ZFYVE26: variants seen among roughly 807,000 people sequenced by gnomAD.
ZFYVE26 encodes the protein zinc finger FYVE domain-containing protein 26.
A neutral mutation model predicts 276.5 loss-of-function variants in ZFYVE26; 181 were observed. The ratio of observed to expected loss-of-function variants is 0.65; its 90% CI spans 0.58 to 0.74. ZFYVE26 has a LOEUF of 0.74. Among genes scored for constraint, ZFYVE26 ranks in the 30% least tolerant of loss-of-function variants. The pLI, the probability that ZFYVE26 is intolerant of heterozygous loss-of-function variation, is 0.00. For missense variants in ZFYVE26, 2,821 were observed against 3,097.9 expected (o/e 0.91, Z 2.12); for synonymous variants, 1,129 against 1,203.1 (o/e 0.94, Z 1.27).
At chr14:67,805,425 A>C (rs2040159943) in intron 7 of ZFYVE26, 29 bp downstream of exon 7, 1 of 1,614,018 alleles carries the variant, frequency 6.2e-7, no homozygotes, top group Non-Finnish European at 8.5e-7. Context: ...TCACTTCCAG[A>C]GCAGCCTGGG....
rs536641818 is a variant in ZFYVE26 at position 67,816,386 on chromosome 14, T to G, written c.-84+148A>C. ...AGAAATTCAGCAGGAACCTCCCTAG[T>G]TTGAGCCCTCTGTTAAGGCAGAGGA... On this transcript the variant is annotated intron_variant, in intron 1 of 41. Transcript: ENST00000347230. 45 of 166,348 alleles carry G rather than the reference T, an allele frequency of 2.7e-4. 1 individual carries two copies. The South Asian group carries it at 6.1e-3, about 22-fold the overall frequency. 10.3% of individuals were successfully genotyped at this position (166,348 alleles called of 1,614,324 possible).
chr14:67,794,135 C>T (rs376227097), intron 13 of ZFYVE26, 36 bp downstream of exon 13: 58 of 1,602,974 alleles, frequency 3.6e-5, no homozygotes, highest in Non-Finnish European at 4.8e-5. Context: ...CAGGGCAAAG[C>T]TGCTCAAAGT....
Position 67,748,512 on chromosome 14 carries a change from A to G in ZFYVE26, c.7544T>C (p.Val2515Ala). ...CCACTGGGCACAGATGTCTTGCACTACTGCATCCCCGCTGCTCTTGGCGGC... is the reference window on the plus strand; with the variant it reads ...CCACTGGGCACAGATGTCTTGCACTGCTGCATCCCCGCTGCTCTTGGCGGC... ...QQAAKSSGDA[V>A]VQDICAQWLL... The change falls in exon 42 of 42, where the codon GTA becomes GCA. Residue 2515 changes from valine to alanine, a missense_variant. Coordinates refer to ENST00000347230, the MANE Select transcript of ZFYVE26 (RefSeq NM_015346.4). The G allele has an allele frequency of 6.2e-7, 1 of 1,613,924 alleles. No individual in the cohort carries two copies. Among genetic ancestry groups the G allele is most frequent in the East Asian group, 2.2e-5 (1 of 44,880 alleles).
intron 8 of ZFYVE26, 60 bp from the exon 9 acceptor site, chr14:67,804,324 A>G (rs1415469283): frequency 2.5e-6 from 4 of 1,573,348 alleles, no homozygotes; most frequent in Admixed American, 1.7e-5. Context: ...TCGAAGAAAG[A>G]TCAATCTCCA....
chr14:67,769,773 A>G (rs1272522049), intron 28 of ZFYVE26, 43 bp from the exon 29 acceptor site: 1 of 1,613,232 alleles, frequency 6.2e-7, no homozygotes, highest in African/African-American at 1.3e-5. Context: ...GGAGGAGAGA[A>G]GGGGAGATTG....
At position 67,789,502 on chromosome 14, in the gene ZFYVE26, G is replaced by A. The variant is rs35471427; in HGVS notation, c.2852C>T (p.Thr951Met). The part of the protein sequence containing the change: ...PMLQEDFWIS[T>M]ALVEPTAPLR... ...GGGAGCAGTGGGCTCCACTAGAGCC[G>A]TGCTTATCCAAAAGTCCTCCTGGAG... The change falls in exon 16 of 42, where the codon ACG becomes ATG. Residue 951 changes from threonine to methionine, a missense_variant. Transcript: ENST00000347230. 6,321 of 1,614,142 alleles carry A rather than the reference G, an allele frequency of 3.9e-3. 223 individuals carry two copies. In the African/African-American group the frequency reaches 0.073, roughly 19 times the overall value.
intron 11 of ZFYVE26, 80 bp from the exon 12 acceptor site, chr14:67,797,835 A>G: frequency 6.3e-7 from 1 of 1,591,926 alleles, no homozygotes; most frequent in Non-Finnish European, 8.6e-7. Context: ...CAGGTTGGGG[A>G]AGGTTTGCAC....
intron 3 of ZFYVE26, among the ~76,000 whole-genome samples, 189 bp downstream of exon 3, chr14:67,813,797 A>G (rs185057642): frequency 1.3e-5 from 2 of 152,344 alleles, no homozygotes; most frequent in African/African-American, 4.8e-5. Flanking sequence ...ATATATGCCA[A>G]TGTATATTAG....
intron 35 of ZFYVE26, 165 bp from the exon 36 acceptor site, chr14:67,756,310 G>A (rs988787246): frequency 3.8e-5 from 29 of 773,140 alleles, no homozygotes; most frequent in Non-Finnish European, 8.8e-6. Context: ...TCATTCTAGC[G>A]ACTGCTTCAC....
rs766966144 is a variant in ZFYVE26, at chr14:67,751,045, C to T, written c.7416+7G>A. On this transcript the variant is annotated splice_region_variant and intron_variant, in intron 41 of 41. Coordinates refer to ENST00000347230, the MANE Select transcript of ZFYVE26 (RefSeq NM_015346.4). ...CATCACCAGCGTTTGGAGACAATTCCGCTCACCTTGTTGTCATCATTGTGT... is the reference window on the plus strand; with the variant it reads ...CATCACCAGCGTTTGGAGACAATTCTGCTCACCTTGTTGTCATCATTGTGT... The T allele has an allele frequency of 2.5e-5, 41 of 1,614,056 alleles. No individual in the cohort carries two copies. The highest frequency in any genetic ancestry group is 2.0e-4 in the Admixed American group (12 of 60,008).
Position 67,777,712 on chromosome 14 carries a change from G to A in ZFYVE26, c.4821C>T (p.Pro1607=). The change falls in exon 25 of 42, where the codon CCC becomes CCT. Residue 1607 remains proline (P), a synonymous_variant. Coordinates refer to ENST00000347230, the MANE Select transcript of ZFYVE26 (RefSeq NM_015346.4). ...ALQLLRRIPD[P]TMCLEVTEQS... ...GCTCTGTCACTTCAAGGCACATGGT[G>A]GGGTCAGGGATTCTTCGCAGGAGCT... 5 of 1,614,184 alleles carry A rather than the reference G, an allele frequency of 3.1e-6. No homozygotes were observed. Among genetic ancestry groups the A allele is most frequent in the African/African-American group, 1.3e-5 (1 of 75,038 alleles).
chr14:67,810,493 T>C (rs944955503), intron 3 of ZFYVE26, among the ~76,000 whole-genome samples: 5 of 152,232 alleles, frequency 3.3e-5, no homozygotes, highest in African/African-American at 1.2e-4. Context: ...CACATATTTA[T>C]ATATTTTTTA....
chr14:67,755,036 T>G lies in ZFYVE26; in HGVS notation c.6986+15A>C, dbSNP rs2038742066. The G allele has an allele frequency of 6.2e-7, 1 of 1,613,480 alleles. No individual in the cohort carries two copies. The highest frequency in any genetic ancestry group is 8.5e-7 in the Non-Finnish European group (1 of 1,180,002). On this transcript the variant is annotated intron_variant, in intron 37 of 41. Transcript: ENST00000347230. ...TTTCTGCCCCACACCAATAGTCCCC[T>G]GAACCTCCAGCTACCTTGACACATC...
chr14:67,759,244 GAAAAAAAAA>G (rs1171265652), intron 35 of ZFYVE26, among the ~76,000 whole-genome samples: 1 of 81,644 alleles, frequency 1.2e-5, no homozygotes, highest in African/African-American at 5.0e-5. Context: ...GACTCTGTCT[GAAAAAAAAA>G]AAAAAAAAAA....
intron 25 of ZFYVE26, among the ~76,000 whole-genome samples, chr14:67,777,193 AT>A (rs932950523): frequency 6.6e-6 from 1 of 152,166 alleles, no homozygotes; most frequent in Non-Finnish European, 1.5e-5. Context: ...ATAACCTGGT[AT>A]TTTTTTCTTA....
At chr14:67,798,863 A>G (rs2040018058) in intron 10 of ZFYVE26, 2 of 862,388 alleles carry the variant, frequency 2.3e-6, no homozygotes, top group Non-Finnish European at 3.5e-6. Context: ...CCCGAGGCCA[A>G]CCGGGCCTCC....
chr14:67,751,184 C>T, intron 40 of ZFYVE26, 88 bp from the exon 41 acceptor site: 1 of 1,473,002 alleles, frequency 6.8e-7, no homozygotes, highest in Non-Finnish European at 9.5e-7. Context: ...CCCAGCCATT[C>T]TGACTTCAGA....
Position 67,762,363 on chromosome 14 carries a change from C to A in ZFYVE26, c.6209G>T (p.Gly2070Val), listed in dbSNP as rs1185111099. The A allele has an allele frequency of 6.2e-7, 1 of 1,614,074 alleles. No homozygotes were observed. Among genetic ancestry groups the A allele is most frequent in the Non-Finnish European group, 8.5e-7 (1 of 1,180,044 alleles). ...GTTCCCGGCTTTGAGGCAGGCCATG[C>A]CCCAAGCATGCCACGCCCCGGTGGT... ...LDTTGAWHAW[G>V]MACLKAGNLT... The change falls in exon 34 of 42, where the codon GGC becomes GTC. Residue 2070 changes from glycine (G) to valine (V), a missense_variant. Physicochemically the swap from Gly to Val is moderately radical, Grantham distance 109. Coordinates refer to ENST00000347230, the MANE Select transcript of ZFYVE26 (RefSeq NM_015346.4).
At chr14:67,810,360 G>A (rs1382963034) in intron 3 of ZFYVE26, among the ~76,000 whole-genome samples, 1 of 152,130 alleles carries the variant, frequency 6.6e-6, no homozygotes, top group Non-Finnish European at 1.5e-5. Context: ...AGTGAAAGAA[G>A]AACAGTATAA....
Sources: gnomAD v4.1 joint callset for allele counts (sites outside exome capture counted in the v4.1 genomes callset) on GRCh38, gnomAD v4.1.1 for gene constraint, MANE v1.5 for transcripts, NCBI Gene and HGNC (gene_info 2026-07-23, HGNC 2026-07-21) for gene names.